The following PALMD variants were observed in gnomAD, a reference collection of about 807,000 sequenced individuals.
PALMD encodes paralemmin-like protein.
PALMD carries 42 observed loss-of-function variants against 56.2 expected under a neutral mutation model. The observed-to-expected ratio is 0.75, with a 90% CI of 0.58 to 0.97. The LOEUF (loss-of-function observed/expected upper bound fraction) is 0.97. PALMD is among the 50% of genes least tolerant of loss of function. The pLI, the probability that PALMD is intolerant of heterozygous loss-of-function variation, is 0.00. For synonymous variants in PALMD, 242 were observed against 222.9 expected, an observed-to-expected ratio of 1.09 and a Z score of -0.76; for missense variants, 660 against 643.8, an observed-to-expected ratio of 1.03 and a Z score of -0.27.
At chr1:99,664,148 G>A (rs1263785115) in intron 2 of PALMD, among the ~76,000 whole-genome samples, 1 of 152,124 alleles carries the variant, frequency 6.6e-6, no homozygotes, top group Non-Finnish European at 1.5e-5. Flanking sequence ...GCTGTTCACT[G>A]GAAAAAAGGG....
At chr1:99,690,343 C>G (rs920119739) in intron 7 of PALMD, among the ~76,000 whole-genome samples, 3 of 152,100 alleles carry the variant, frequency 2.0e-5, no homozygotes, top group Non-Finnish European at 4.4e-5. Flanking sequence ...CTTGCTGTAT[C>G]TTGTTTCTCT....
At chr1:99,689,915 G>T (rs1249085874) in intron 7 of PALMD, 43 bp downstream of exon 7, 1 of 1,535,054 alleles carries the variant, frequency 6.5e-7, no homozygotes, top group Non-Finnish European at 8.7e-7. Context: ...TCAGTCATGT[G>T]ACCAGCTTCT....
intron 1 of PALMD, among the ~76,000 whole-genome samples, chr1:99,655,260 T>C (rs114747380): frequency 0.011 from 1,633 of 152,096 alleles, 30 homozygotes; most frequent in African/African-American, 0.037. Flanking sequence ...TAAAAGAAAA[T>C]ATGGATGAAT....
At chr1:99,655,801 A>G (rs1652710615) in intron 1 of PALMD, among the ~76,000 whole-genome samples, 1 of 152,158 alleles carries the variant, frequency 6.6e-6, no homozygotes, top group Non-Finnish European at 1.5e-5. Flanking sequence ...GATCAAGATT[A>G]TTCTCCTTAA....
intron 3 of PALMD, among the ~76,000 whole-genome samples, chr1:99,671,949 GA>G (rs1653097870): frequency 2.0e-5 from 3 of 152,252 alleles, no homozygotes; most frequent in African/African-American, 7.2e-5. Context: ...AGAGCCTGTA[GA>G]AATTTTTTAC....
rs1331510784 is a variant in PALMD at position 99,683,042 on chromosome 1, AAGAAAGAAAGAAAGAG to A, written c.252-3630_252-3615del. On this transcript the variant is annotated intron_variant, in intron 3 of 7. Coordinates refer to ENST00000263174, the MANE Select transcript of PALMD (RefSeq NM_017734.5). ...AAGGAAAGAAAGAAAGAAAGAAAGAAAGAAAGAAAGAAAGAGAGAGAGAGAGAGAGAGAGAGAGAGA... is the reference window on the plus strand; with the variant it reads ...AAGGAAAGAAAGAAAGAAAGAAAGAAAGAGAGAGAGAGAGAGAGAGAGAGA... 3.1e-4 allele frequency among the ~76,000 whole-genome samples: 5 copies of A among 16,254 alleles called. No individual in the cohort carries two copies. The South Asian group carries it at 7.1e-3, about 23-fold the overall frequency. 10.7% of individuals were successfully genotyped at this position (16,254 alleles called of 152,430 possible).
At chr1:99,649,785 CT>C (rs1231893114) in intron 1 of PALMD, among the ~76,000 whole-genome samples, 3 of 152,144 alleles carry the variant, frequency 2.0e-5, no homozygotes, top group Admixed American at 2.0e-4. Flanking sequence ...AGACTCAGTT[CT>C]ATTTGAAGGA....
Position 99,667,820 on chromosome 1 carries a change from T to C in PALMD, c.251+54T>C. The C allele has an allele frequency of 3.3e-6, 5 of 1,500,606 alleles. No homozygotes were observed. In the South Asian group the frequency reaches 3.4e-5, roughly 10 times the overall value. The allele number at this position is 1,500,606 out of a possible 1,614,324, so 93.0% of individuals were successfully genotyped here. A position where few individuals can be genotyped will look rare whatever the true frequency, so the allele number is the denominator to read the frequency against. On this transcript the variant is annotated intron_variant, in intron 3 of 7. Transcript: ENST00000263174. ...CTACCTTTATTTTGACTTTATCCCA[T>C]GTTGTGCATAGACATGCCATTCTCA...
intron 2 of PALMD, among the ~76,000 whole-genome samples, chr1:99,664,848 C>T (rs556710040): frequency 3.9e-5 from 6 of 152,264 alleles, no homozygotes; most frequent in Non-Finnish European, 7.4e-5. Flanking sequence ...CATTAAACAA[C>T]ATAAGCATAA....
intron 1 of PALMD, among the ~76,000 whole-genome samples, chr1:99,653,372 T>C (rs1652639968): frequency 6.6e-6 from 1 of 152,210 alleles, no homozygotes; most frequent in East Asian, 1.9e-4. Flanking sequence ...TTTTGTTTTG[T>C]CACTATTTGT....
Position 99,662,318 on chromosome 1 carries a change from G to A in PALMD, c.46-1G>A. 1 of 1,484,850 alleles carries A rather than the reference G, an allele frequency of 6.7e-7. No individual in the cohort carries two copies. The highest frequency in any genetic ancestry group is 1.2e-5 in the South Asian group (1 of 84,284). The allele number at this position is 1,484,850 out of a possible 1,614,324, so 92.0% of individuals were successfully genotyped here. ...AATATACTGGAACTTTTTTATTTCA[G>A]GATAAAAGAAAAATACAGGAAGAAA... On this transcript the variant is annotated splice_acceptor_variant, in intron 1 of 7. Transcript: ENST00000263174. LOFTEE classifies it high-confidence loss of function.
intron 7 of PALMD, among the ~76,000 whole-genome samples, chr1:99,691,993 C>T (rs1229491933): frequency 6.6e-6 from 1 of 152,108 alleles, no homozygotes; most frequent in Non-Finnish European, 1.5e-5. Flanking sequence ...AAATTTTGAA[C>T]AGAGTAAGAC....
intron 3 of PALMD, chr1:99,668,582 A>G (rs966057324): frequency 2.0e-5 from 3 of 152,142 alleles, no homozygotes; most frequent in Admixed American, 2.0e-4. Context: ...AGTCACAACC[A>G]TGATATTGGA....
chr1:99,692,695 C>G (rs530766614), intron 7 of PALMD, among the ~76,000 whole-genome samples: 1 of 152,290 alleles, frequency 6.6e-6, no homozygotes, highest in Admixed American at 6.5e-5. Flanking sequence ...ATAAGAGACT[C>G]AAAAAGCCCC....
At chr1:99,688,737 AG>A in intron 6 of PALMD, 37 bp from the exon 7 acceptor site, 2 of 1,413,098 alleles carry the variant, frequency 1.4e-6, no homozygotes, top group Non-Finnish European at 1.9e-6. Context: ...ACAAAAGAAA[AG>A]TTAACTAAAT....
chr1:99,689,440 G>C lies in PALMD; in HGVS notation c.1180G>C (p.Asp394His), dbSNP rs748006203. The change falls in exon 7 of 8, where the codon GAT (aspartate) becomes CAT (histidine). Residue 394 changes from aspartate to histidine, a missense_variant. By Grantham distance (81) the Asp-to-His change is moderately conservative (BLOSUM62 -1). Coordinates refer to ENST00000263174, the MANE Select transcript of PALMD (RefSeq NM_017734.5). ...SSPTCQEDEE[D>H]VRYNIVHSLP... is the part of the protein sequence containing the mutation. ...ACCCACTTGTCAGGAGGACGAGGAA[G>C]ATGTCAGATATAATATCGTTCATTC... The C allele has an allele frequency of 1.9e-6, 3 of 1,613,756 alleles. No homozygotes were observed. The South Asian group carries it at 3.3e-5, about 18-fold the overall frequency.
rs567311961 is a variant in PALMD at position 99,665,225 on chromosome 1, TA to T, written c.127-2410del. 2.0e-5 allele frequency among the ~76,000 whole-genome samples: 3 copies of T among 152,140 alleles called. No homozygotes were observed. In the East Asian group the frequency reaches 5.8e-4, roughly 29 times the overall value. On this transcript the variant is annotated intron_variant, in intron 2 of 7. Coordinates refer to ENST00000263174, the MANE Select transcript of PALMD (RefSeq NM_017734.5). Reference sequence around the variant, plus strand: ...AGAAGTGCTCAGGAAAACCTTTTCCTAAAAAAACTGCAGAAAGACCTATCAC... The same window carrying T: ...AGAAGTGCTCAGGAAAACCTTTTCCTAAAAAACTGCAGAAAGACCTATCAC...
At chr1:99,662,026 A>G (rs780413323) in intron 1 of PALMD, among the ~76,000 whole-genome samples, 29 of 152,158 alleles carry the variant, frequency 1.9e-4, no homozygotes, top group Non-Finnish European at 1.2e-4. Flanking sequence ...TTTCTATTAC[A>G]TCACTCAGTA....
At position 99,694,116 on chromosome 1, in the gene PALMD, C is replaced by A; in HGVS notation, c.*54C>A. 1 of 1,221,734 alleles carries A rather than the reference C, an allele frequency of 8.2e-7. No individual in the cohort carries two copies. The highest frequency in any genetic ancestry group is 1.2e-6 in the Non-Finnish European group (1 of 848,110). 75.7% of individuals were successfully genotyped at this position (1,221,734 alleles called of 1,614,324 possible). ...TGAAGAAGAAACTAAGAAGCATTTGCAAATTTCTCTTCTGGATATTTTGTT... is the reference window on the plus strand; with the variant it reads ...TGAAGAAGAAACTAAGAAGCATTTGAAAATTTCTCTTCTGGATATTTTGTT... On this transcript the variant is annotated 3_prime_UTR_variant, in exon 8 of 8. Coordinates refer to ENST00000263174, the MANE Select transcript of PALMD (RefSeq NM_017734.5).
Sources: allele counts gnomAD v4.1 joint callset (sites outside exome capture counted in the v4.1 genomes callset), GRCh38; gene constraint gnomAD v4.1.1; transcripts MANE v1.5; gene names NCBI Gene and HGNC (gene_info 2026-07-23, HGNC 2026-07-21).